Variants in EPHA3 observed in about 807,000 individuals in gnomAD.
EPHA3 encodes ephrin type-A receptor 3.
EPHA3 carries 42 observed loss-of-function variants against 107.1 expected under a neutral mutation model. That is an observed-to-expected ratio of 0.39 (90% CI 0.31 to 0.51). The LOEUF is 0.51. EPHA3 is among the 20% of genes least tolerant of loss of function. The pLI, the probability that EPHA3 is intolerant of heterozygous loss-of-function variation, is 0.78. For synonymous variants in EPHA3, 461 were observed against 424.8 expected, an observed-to-expected ratio of 1.09 and a Z score of -1.05; for missense variants, 1,183 against 1,211.2, an observed-to-expected ratio of 0.98 and a Z score of 0.35.
chr3:89,310,203 ATAAAAG>A (rs1236811389), intron 3 of EPHA3, among the ~76,000 whole-genome samples: 1 of 152,106 alleles, frequency 6.6e-6, no homozygotes, highest in African/African-American at 2.4e-5. Flanking sequence ...AAGCAGACAT[ATAAAAG>A]TAAAAGGCAA....
At position 89,224,940 on chromosome 3, in the gene EPHA3, C is replaced by T. The variant is rs777418771; in HGVS notation, c.814+14420C>T. Among the ~76,000 whole-genome samples, 134 of 151,822 alleles carry T rather than the reference C, an allele frequency of 8.8e-4. 1 individual carries two copies. Among genetic ancestry groups the T allele is most frequent in the Non-Finnish European group, 4.7e-4 (32 of 67,912 alleles). ...ACTCTTTGATGCTGAAAAATATAGA[C>T]GGGAAAGGTTAAAGAGTGGCTGTGA... On this transcript the variant is annotated intron_variant, in intron 3 of 16. Coordinates refer to ENST00000336596, the MANE Select transcript of EPHA3 (RefSeq NM_005233.6).
intron 3 of EPHA3, among the ~76,000 whole-genome samples, chr3:89,316,579 A>C (rs1706912510): frequency 6.8e-6 from 1 of 146,800 alleles, no homozygotes. Flanking sequence ...CCTAAAAAGG[A>C]GATTAATCAC....
intron 9 of EPHA3, among the ~76,000 whole-genome samples, chr3:89,410,022 C>A (rs1171984409): frequency 1.3e-5 from 2 of 151,888 alleles, no homozygotes; most frequent in East Asian, 1.9e-4. Flanking sequence ...CTGTATGTTG[C>A]CCTTAATTAT....
chr3:89,219,703 G>GTTTTTTTTTTT (rs796857390), intron 3 of EPHA3, among the ~76,000 whole-genome samples: 54 of 26,230 alleles, frequency 2.1e-3, no homozygotes, highest in African/African-American at 2.6e-3. Context: ...TTTTTTTTTT[G>GTTTTTTTTTTT]TTTTTTGTTT....
At chr3:89,256,727 A>T (rs1705296304) in intron 3 of EPHA3, among the ~76,000 whole-genome samples, 1 of 152,198 alleles carries the variant, frequency 6.6e-6, no homozygotes, top group Non-Finnish European at 1.5e-5. Flanking sequence ...ATATGCAAAA[A>T]ATATTTTCAT....
chr3:89,378,892 G>A (rs1708450648), intron 5 of EPHA3, among the ~76,000 whole-genome samples: 1 of 152,126 alleles, frequency 6.6e-6, no homozygotes, highest in Non-Finnish European at 1.5e-5. Flanking sequence ...TCAAAATTCT[G>A]AGATCAATTA....
intron 3 of EPHA3, among the ~76,000 whole-genome samples, chr3:89,237,994 A>G (rs1704813189): frequency 6.6e-6 from 1 of 151,984 alleles, no homozygotes; most frequent in African/African-American, 2.4e-5. Flanking sequence ...AAAAAAAAAA[A>G]AAGAGGATAT....
At chr3:89,276,953 T>G (rs1705821564) in intron 3 of EPHA3, among the ~76,000 whole-genome samples, 1 of 152,130 alleles carries the variant, frequency 6.6e-6, no homozygotes, top group Admixed American at 6.6e-5. Flanking sequence ...AGTATATCCC[T>G]TTTAAAATGT....
chr3:89,121,172 C>T (rs1424423046), intron 1 of EPHA3, among the ~76,000 whole-genome samples: 1 of 152,020 alleles, frequency 6.6e-6, no homozygotes, highest in Non-Finnish European at 1.5e-5. Context: ...TTAGGCGGAG[C>T]TGGCAGTGGG....
At chr3:89,378,454 C>A (rs544448372) in intron 5 of EPHA3, among the ~76,000 whole-genome samples, 52 of 152,132 alleles carry the variant, frequency 3.4e-4, no homozygotes, top group African/African-American at 9.9e-4. Context: ...TTTTTCGTGT[C>A]AATTCTAACT....
intron 3 of EPHA3, among the ~76,000 whole-genome samples, chr3:89,211,350 C>A (rs1198262460): frequency 6.6e-6 from 1 of 151,968 alleles, no homozygotes; most frequent in African/African-American, 2.4e-5. Context: ...CCAAAATTTA[C>A]TTAGCATTAG....
chr3:89,258,025 C>T (rs1197261928), intron 3 of EPHA3, among the ~76,000 whole-genome samples: 1 of 152,142 alleles, frequency 6.6e-6, no homozygotes, highest in African/African-American at 2.4e-5. Context: ...CTAACCTATT[C>T]AACAAATTTA....
rs375912016 is a variant in EPHA3 at position 89,406,578 on chromosome 3, T to A, written c.1595-691T>A. On this transcript the variant is annotated intron_variant, in intron 7 of 16. Transcript: ENST00000336596. Reference sequence around the variant, plus strand: ...AAATTGTATTTATAGACAGCAAAATTTGAATTTCCTAGATTTAGAATTTTC... The same window carrying A: ...AAATTGTATTTATAGACAGCAAAATATGAATTTCCTAGATTTAGAATTTTC... Among the ~76,000 whole-genome samples the A allele has an allele frequency of 7.9e-5, 12 of 152,318 alleles. No homozygotes were observed. In the East Asian group the frequency reaches 1.2e-3, roughly 15 times the overall value.
At chr3:89,411,242 T>C (rs2107520147) in intron 9 of EPHA3, among the ~76,000 whole-genome samples, 1 of 151,878 alleles carries the variant, frequency 6.6e-6, no homozygotes, top group African/African-American at 2.4e-5. Context: ...AGTGAAGTTC[T>C]CACTTCAACA....
At chr3:89,141,457 T>C (rs1277606507) in intron 2 of EPHA3, among the ~76,000 whole-genome samples, 1 of 151,574 alleles carries the variant, frequency 6.6e-6, no homozygotes, top group Non-Finnish European at 1.5e-5. Flanking sequence ...ATAATTTCCA[T>C]GATATTGTGA....
At chr3:89,229,922 T>C (rs1420656444) in intron 3 of EPHA3, among the ~76,000 whole-genome samples, 1 of 152,090 alleles carries the variant, frequency 6.6e-6, no homozygotes, top group Non-Finnish European at 1.5e-5. Flanking sequence ...GTGTAACTGT[T>C]TTATTTTAAA....
chr3:89,116,719 TAAAAAAA>T (rs140739470), intron 1 of EPHA3, among the ~76,000 whole-genome samples: 1 of 132,548 alleles, frequency 7.5e-6, no homozygotes, highest in Non-Finnish European at 1.6e-5. Flanking sequence ...ACTGTAACAT[TAAAAAAA>T]AAAAAAAAAA....
intron 2 of EPHA3, among the ~76,000 whole-genome samples, chr3:89,138,982 A>G (rs1241199493): frequency 6.6e-6 from 1 of 151,840 alleles, no homozygotes; most frequent in Non-Finnish European, 1.5e-5. Flanking sequence ...AACAAACAAA[A>G]GAGTGTGTGT....
At chr3:89,136,202 G>T (rs1704306163) in intron 2 of EPHA3, among the ~76,000 whole-genome samples, 1 of 151,786 alleles carries the variant, frequency 6.6e-6, no homozygotes, top group Non-Finnish European at 1.5e-5. Context: ...TATGTGATAT[G>T]TGATTCTTGG....
Sources: allele counts gnomAD v4.1 joint callset (sites outside exome capture counted in the v4.1 genomes callset), GRCh38; gene constraint gnomAD v4.1.1; transcripts MANE v1.5; gene names NCBI Gene and HGNC (gene_info 2026-07-23, HGNC 2026-07-21).